PLEKHM3: variants seen among roughly 807,000 people sequenced by gnomAD.
The protein encoded by PLEKHM3 is pleckstrin homology domain-containing family M member 3.
PLEKHM3 carries 45 observed loss-of-function variants against 81.8 expected under a neutral mutation model. That is an observed-to-expected ratio of 0.55 (90% CI 0.43 to 0.71). The LOEUF is 0.71. Among genes scored for constraint, PLEKHM3 ranks in the 30% least tolerant of loss-of-function variants. PLEKHM3 has a pLI of 0.00. For missense variants in PLEKHM3, 788 were observed against 924.3 expected (o/e 0.85, Z 1.91); for synonymous variants, 352 against 356.4 (o/e 0.99, Z 0.14).
chr2:207,890,338 A>T (rs1314196598), intron 6 of PLEKHM3, among the ~76,000 whole-genome samples: 3 of 152,172 alleles, frequency 2.0e-5, no homozygotes, highest in Non-Finnish European at 2.9e-5. Context: ...CTTACTACTA[A>T]AGAATAGAGC....
intron 2 of PLEKHM3, among the ~76,000 whole-genome samples, chr2:207,982,921 G>C (rs941908146): frequency 6.6e-6 from 1 of 151,808 alleles, no homozygotes; most frequent in African/African-American, 2.4e-5. Flanking sequence ...TTACTCTATT[G>C]TAAGAATACA....
intron 7 of PLEKHM3, among the ~76,000 whole-genome samples, chr2:207,847,091 G>A (rs1040035395): frequency 1.3e-5 from 2 of 152,190 alleles, no homozygotes; most frequent in East Asian, 3.8e-4. Context: ...CTAACTAGAA[G>A]CTTGGTAAGA....
chr2:207,938,756 G>A lies in PLEKHM3; in HGVS notation c.1692+7611C>T, dbSNP rs183230844. Among the ~76,000 whole-genome samples, 9 of 152,264 alleles carry A rather than the reference G, an allele frequency of 5.9e-5. No individual in the cohort carries two copies. In the East Asian group the frequency reaches 1.2e-3, roughly 20 times the overall value. On this transcript the variant is annotated intron_variant, in intron 4 of 7. Coordinates refer to ENST00000427836, the MANE Select transcript of PLEKHM3 (RefSeq NM_001080475.3). Reference sequence around the variant, plus strand: ...AGGAGATTTTCCTCATGTGCAACACGGATGAAGCGAGTGTACCTAATATCT... The same window carrying A: ...AGGAGATTTTCCTCATGTGCAACACAGATGAAGCGAGTGTACCTAATATCT...
intron 6 of PLEKHM3, among the ~76,000 whole-genome samples, chr2:207,879,261 A>G (rs13413893): frequency 0.03 from 4,541 of 152,192 alleles, 221 homozygotes; most frequent in African/African-American, 0.1. Flanking sequence ...TTAATGCTAG[A>G]TTCTTTCTCC....
chr2:208,008,920 T>C, intron 1 of PLEKHM3, among the ~76,000 whole-genome samples: 1 of 152,250 alleles, frequency 6.6e-6, no homozygotes, highest in East Asian at 1.9e-4. Context: ...TTCAAATTTC[T>C]ACCTTCAGTC....
intron 2 of PLEKHM3, among the ~76,000 whole-genome samples, chr2:207,992,866 C>T (rs1040971455): frequency 6.6e-6 from 1 of 152,036 alleles, no homozygotes; most frequent in Non-Finnish European, 1.5e-5. Context: ...GATGAAGAGA[C>T]AGCAAAGGCC....
chr2:207,844,303 CTTTTT>C (rs377510756), intron 7 of PLEKHM3, among the ~76,000 whole-genome samples: 2 of 125,068 alleles, frequency 1.6e-5, no homozygotes, highest in Non-Finnish European at 3.4e-5. Flanking sequence ...ATTTATTTTT[CTTTTT>C]TTTTTTTTTT....
intron 2 of PLEKHM3, among the ~76,000 whole-genome samples, chr2:207,982,742 C>A: frequency 6.6e-6 from 1 of 151,720 alleles, no homozygotes; most frequent in South Asian, 2.1e-4. Context: ...CCATGCCCGG[C>A]TTATTTTTGT....
chr2:207,849,857 T>C (rs60002689), intron 7 of PLEKHM3, among the ~76,000 whole-genome samples: 7,035 of 152,282 alleles, frequency 0.046, 363 homozygotes, highest in African/African-American at 0.12. Context: ...AACCAAACAG[T>C]AAGTATTTAT....
Position 207,826,510 on chromosome 2 carries a change from T to C in PLEKHM3, c.*1809A>G, listed in dbSNP as rs1298651532. 1 of 152,218 alleles carries C rather than the reference T, an allele frequency of 6.6e-6. No homozygotes were observed. The highest frequency in any genetic ancestry group is 1.9e-4 in the East Asian group (1 of 5,202). The allele number at this position is 152,218 out of a possible 1,614,324, so 9.4% of individuals were successfully genotyped here. A position where few individuals can be genotyped will look rare whatever the true frequency, so the allele number is the denominator to read the frequency against. On this transcript the variant is annotated 3_prime_UTR_variant, in exon 8 of 8. Transcript: ENST00000427836. Reference sequence around the variant, plus strand: ...GTTTTCAAGCCTTGGTTGCGGCTACTGTATAGTCAGAAAATAAATGCATGT... The same window carrying C: ...GTTTTCAAGCCTTGGTTGCGGCTACCGTATAGTCAGAAAATAAATGCATGT...
chr2:207,980,462 T>G (rs1324785920), intron 2 of PLEKHM3, among the ~76,000 whole-genome samples: 1 of 152,158 alleles, frequency 6.6e-6, no homozygotes, highest in East Asian at 1.9e-4. Context: ...TAAGCAACAT[T>G]TCCTATCTCT....
At chr2:207,964,116 G>T (rs1389457758) in intron 3 of PLEKHM3, among the ~76,000 whole-genome samples, 1 of 152,126 alleles carries the variant, frequency 6.6e-6, no homozygotes, top group Non-Finnish European at 1.5e-5. Context: ...GGAGGCTGAG[G>T]CAGGAGAATC....
intron 1 of PLEKHM3, among the ~76,000 whole-genome samples, chr2:208,003,950 A>G (rs2106097591): frequency 6.6e-6 from 1 of 152,360 alleles, no homozygotes; most frequent in Non-Finnish European, 1.5e-5. Flanking sequence ...TTGTTAATTG[A>G]AGATTACTGA....
intron 1 of PLEKHM3, among the ~76,000 whole-genome samples, chr2:208,018,371 C>CAAAAAAA (rs56987058): frequency 8.9e-6 from 1 of 111,868 alleles, no homozygotes; most frequent in Non-Finnish European, 1.8e-5. Flanking sequence ...GACTCTGTCT[C>CAAAAAAA]AAAAAAAAAA....
At chr2:207,876,459 T>C (rs1364589092) in intron 6 of PLEKHM3, among the ~76,000 whole-genome samples, 1 of 152,226 alleles carries the variant, frequency 6.6e-6, no homozygotes, top group East Asian at 1.9e-4. Flanking sequence ...CAAAAGTTCT[T>C]GAAAATTGCC....
intron 3 of PLEKHM3, among the ~76,000 whole-genome samples, chr2:207,959,832 T>C (rs1690671066): frequency 6.6e-6 from 1 of 152,208 alleles, no homozygotes. Flanking sequence ...TTTCATCAGC[T>C]TCCTTTAAAT....
At chr2:207,875,923 C>T (rs754979461) in intron 6 of PLEKHM3, among the ~76,000 whole-genome samples, 5 of 152,166 alleles carry the variant, frequency 3.3e-5, no homozygotes, top group Non-Finnish European at 7.3e-5. Flanking sequence ...TGTTATGCAG[C>T]CAGTAAAAAG....
chr2:207,944,999 TTC>T (rs907744929), intron 4 of PLEKHM3, among the ~76,000 whole-genome samples: 1 of 152,128 alleles, frequency 6.6e-6, no homozygotes. Flanking sequence ...TGTTTCTTGT[TTC>T]TCTCTCTCTA....
intron 1 of PLEKHM3, among the ~76,000 whole-genome samples, chr2:208,021,142 A>C (rs1054544410): frequency 2.0e-5 from 3 of 152,242 alleles, no homozygotes; most frequent in African/African-American, 7.2e-5. Flanking sequence ...TTCAGTAAAT[A>C]TCAGCCTTGG....
Sources: gnomAD v4.1 joint callset for allele counts (sites outside exome capture counted in the v4.1 genomes callset) on GRCh38, gnomAD v4.1.1 for gene constraint, MANE v1.5 for transcripts, NCBI Gene and HGNC (gene_info 2026-07-23, HGNC 2026-07-21) for gene names.